Variants in ACTN1 observed in about 807,000 individuals in gnomAD.
The protein encoded by ACTN1 is actinin alpha 1.
Under a neutral mutation model 119.6 loss-of-function variants are expected in ACTN1, and 30 were observed. That is an observed-to-expected ratio of 0.25 (90% CI 0.19 to 0.34). The LOEUF (loss-of-function observed/expected upper bound fraction) is 0.34. Ranked by LOEUF, ACTN1 falls within the 10% of genes least tolerant of loss-of-function variation. The pLI, the probability that ACTN1 is intolerant of heterozygous loss-of-function variation, is 1.00. For synonymous variants in ACTN1, 429 were observed against 472.6 expected (o/e 0.91, Z 1.20); for missense variants, 764 against 1,223.4 (o/e 0.62, Z 5.60).
rs758841846 is a variant in ACTN1 at position 68,925,634 on chromosome 14, C to T, written c.144G>A (p.Ala48=). 12 of 1,613,300 alleles carry T rather than the reference C, an allele frequency of 7.4e-6. No homozygotes were observed. The highest frequency in any genetic ancestry group is 3.3e-5 in the Admixed American group (2 of 59,918). ...TAWCNSHLRK[A]GTQIENIEED... ...CTTCGATGTTCTCGATCTGTGTCCCCGCCTTCCGGAGGTGGGAGTTACACC... is the reference window on the plus strand; with the variant it reads ...CTTCGATGTTCTCGATCTGTGTCCCTGCCTTCCGGAGGTGGGAGTTACACC... The change falls in exon 2 of 22, where the codon GCG becomes GCA. Residue 48 remains alanine, a synonymous_variant. Transcript: ENST00000394419. This position sits in a 1 kb window ranked among gnomAD's most constrained non-coding sequence, Gnocchi z 4.3.
chr14:68,938,854 T>TC (rs961711829), intron 1 of ACTN1, among the ~76,000 whole-genome samples: 6 of 152,278 alleles, frequency 3.9e-5, no homozygotes, highest in South Asian at 2.1e-4. Context: ...TTGTTTTTTT[T>TC]CCCCACTGAT....
chr14:68,971,238 T>C (rs1409580060), intron 1 of ACTN1, among the ~76,000 whole-genome samples: 2 of 152,228 alleles, frequency 1.3e-5, no homozygotes, highest in African/African-American at 4.8e-5. Flanking sequence ...AAAGAGTTGT[T>C]TGACATGTGG....
chr14:68,877,535 A>T (rs536529122), intron 20 of ACTN1: 1 of 368,866 alleles, frequency 2.7e-6, no homozygotes, highest in Non-Finnish European at 4.9e-6. Context: ...CCTATGTAGC[A>T]TATCAAGTAT....
At chr14:68,908,459 G>A (rs1396584627) in intron 6 of ACTN1, among the ~76,000 whole-genome samples, 1 of 152,206 alleles carries the variant, frequency 6.6e-6, no homozygotes, top group South Asian at 2.1e-4. Context: ...CACAAGTCCA[G>A]CCGCTCCTTG....
chr14:68,890,329 T>TA, intron 10 of ACTN1, 43 bp from the exon 11 acceptor site: 1 of 1,606,950 alleles, frequency 6.2e-7, no homozygotes. Flanking sequence ...GGCTTGGGCC[T>TA]AGGCTTCAGG....
intron 3 of ACTN1, among the ~76,000 whole-genome samples, chr14:68,916,209 G>C (rs2034284910): frequency 6.6e-6 from 1 of 152,146 alleles, no homozygotes; most frequent in Non-Finnish European, 1.5e-5. Flanking sequence ...GGCCTTCCTA[G>C]GAGTGGGGCT....
At chr14:68,978,053 G>A (rs1318141971) in intron 1 of ACTN1, 1 of 456,010 alleles carries the variant, frequency 2.2e-6, no homozygotes, top group South Asian at 1.5e-5. Context: ...GGGTCCCATC[G>A]CCAGCTCCGA....
At chr14:68,910,551 G>A (rs1310581718) in intron 4 of ACTN1, among the ~76,000 whole-genome samples, 2 of 152,150 alleles carry the variant, frequency 1.3e-5, no homozygotes, top group Non-Finnish European at 2.9e-5. Flanking sequence ...GATCAATACT[G>A]CTGCCCTCTG....
chr14:68,978,072 C>T (rs1358753100), intron 1 of ACTN1: 1 of 455,420 alleles, frequency 2.2e-6, no homozygotes, highest in Non-Finnish European at 4.4e-6. Flanking sequence ...GAGCCCAGCT[C>T]CCGTGGCGGG....
At chr14:68,939,405 A>G (rs2035688379) in intron 1 of ACTN1, among the ~76,000 whole-genome samples, 1 of 152,220 alleles carries the variant, frequency 6.6e-6, no homozygotes. Context: ...TCACATCAGT[A>G]AAGACTTCTG....
Position 68,878,364 on chromosome 14 carries a change from T to G in ACTN1, c.2427+94A>C, listed in dbSNP as rs544277701. On this transcript the variant is annotated intron_variant, in intron 20 of 21. Transcript: ENST00000394419. The surrounding 1 kb of genome is among the most constrained non-coding windows in gnomAD (Gnocchi z 4.4). The stretch of plus-strand genomic sequence containing the variant: ...CCTCCAGGGAGGGCAGCCCCTAGCC[T>G]GAGGGCCTCCAGCCTGCCACTCCTG... 6.8e-7 allele frequency: 1 copy of G among 1,479,788 alleles called. No individual in the cohort carries two copies. The highest frequency in any genetic ancestry group is 2.5e-5 in the Admixed American group (1 of 39,604). The allele number at this position is 1,479,788 out of a possible 1,614,324, so 91.7% of individuals were successfully genotyped here.
chr14:68,920,935 C>CA lies in ACTN1; in HGVS notation c.340+70dup, dbSNP rs1036883033. 9.9e-5 allele frequency: 157 copies of CA among 1,585,614 alleles called. No homozygotes were observed. In the African/African-American group the frequency reaches 1.9e-3, roughly 19 times the overall value. ...TGATGCATGGGCCCAGGAGGCAGCA[C>CA]AAAAAAGGCCAAGAGAACCAGGGGG... On this transcript the variant is annotated intron_variant, in intron 3 of 21. Transcript: ENST00000394419.
chr14:68,947,419 C>G (rs544369928), intron 1 of ACTN1: 27 of 152,352 alleles, frequency 1.8e-4, no homozygotes, highest in African/African-American at 6.3e-4. Flanking sequence ...TTAGTCTCGG[C>G]AACAACTCTG....
chr14:68,977,084 C>G (rs2037086292), intron 1 of ACTN1, among the ~76,000 whole-genome samples: 1 of 152,208 alleles, frequency 6.6e-6, no homozygotes, highest in South Asian at 2.1e-4. Context: ...CTAGGCAGCT[C>G]TGTTACTCCT....
In ACTN1 at chr14:68,934,130, T is replaced by C. The variant is rs1297074700; in HGVS notation, c.106-8458A>G. 2.6e-5 allele frequency among the ~76,000 whole-genome samples: 4 copies of C among 152,170 alleles called. No individual in the cohort carries two copies. The East Asian group carries it at 5.8e-4, about 22-fold the overall frequency. On this transcript the variant is annotated intron_variant, in intron 1 of 21. Coordinates refer to ENST00000394419, the MANE Select transcript of ACTN1 (RefSeq NM_001130004.2). ...ACCCAATGGGTCTTTAGTTTCACAA[T>C]GGGAAAACATGAAAGCTTTCTAAGT...
chr14:68,976,365 G>C (rs915076781), intron 1 of ACTN1, among the ~76,000 whole-genome samples: 8 of 152,128 alleles, frequency 5.3e-5, no homozygotes, highest in African/African-American at 1.9e-4. Flanking sequence ...CCAGTCAGTA[G>C]AAAGAGTGTC....
At chr14:68,950,477 T>TAC (rs1349794768) in intron 1 of ACTN1, among the ~76,000 whole-genome samples, 1 of 144,798 alleles carries the variant, frequency 6.9e-6, no homozygotes, top group African/African-American at 2.9e-5. Context: ...TATATATATA[T>TAC]AAATCAAACA....
chr14:68,936,239 T>C (rs1031655493), intron 1 of ACTN1, among the ~76,000 whole-genome samples: 47 of 152,096 alleles, frequency 3.1e-4, no homozygotes, highest in Non-Finnish European at 1.5e-4. Flanking sequence ...GACAATTTCA[T>C]CTCCATGAAC....
At chr14:68,971,104 GTGTC>G (rs1336678139) in intron 1 of ACTN1, among the ~76,000 whole-genome samples, 1 of 152,126 alleles carries the variant, frequency 6.6e-6, no homozygotes, top group African/African-American at 2.4e-5. Flanking sequence ...AGCAAAGAGT[GTGTC>G]TGTACTTCTG....
Sources: gnomAD v4.1 joint callset for allele counts (sites outside exome capture counted in the v4.1 genomes callset) on GRCh38, gnomAD v4.1.1 for gene constraint, Gnocchi (gnomAD v3.1) non-coding constraint, MANE v1.5 for transcripts, NCBI Gene and HGNC (gene_info 2026-07-23, HGNC 2026-07-21) for gene names.